The following MS4A15 variants were observed in gnomAD, a reference collection of about 807,000 sequenced individuals.
MS4A15 encodes the protein membrane-spanning 4-domains subfamily A member 15.
MS4A15 carries 22 observed loss-of-function variants against 20.6 expected under a neutral mutation model. That is an observed-to-expected ratio of 1.07 (90% CI 0.76 to 1.52). The LOEUF (loss-of-function observed/expected upper bound fraction) is 1.52, where lower values mean the gene tolerates loss of function less well. MS4A15 is among the 40% of genes most tolerant of loss of function. The pLI is 0.00. For synonymous variants in MS4A15, 129 were observed against 129.3 expected, an observed-to-expected ratio of 1.00 and a Z score of 0.02; for missense variants, 312 against 323.0, an observed-to-expected ratio of 0.97 and a Z score of 0.26.
At chr11:60,762,600 C>A (rs1406202871) in intron 1 of MS4A15, among the ~76,000 whole-genome samples, 1 of 152,204 alleles carries the variant, frequency 6.6e-6, no homozygotes, top group African/African-American at 2.4e-5. Flanking sequence ...GGCCAATATA[C>A]TTATTCTTTT....
intron 2 of MS4A15, among the ~76,000 whole-genome samples, chr11:60,766,964 C>A (rs879485848): frequency 2.6e-5 from 4 of 152,230 alleles, no homozygotes; most frequent in Non-Finnish European, 5.9e-5. Flanking sequence ...TGCTATTTGG[C>A]AGACCTTACT....
chr11:60,775,410 A>G (rs891082057), intron 6 of MS4A15, among the ~76,000 whole-genome samples, 195 bp from the exon 7 acceptor site: 3 of 152,186 alleles, frequency 2.0e-5, no homozygotes, highest in African/African-American at 7.2e-5. Context: ...TGTACTCCCA[A>G]TGCCTGGATC....
intron 2 of MS4A15, among the ~76,000 whole-genome samples, chr11:60,764,409 T>C (rs1853830189): frequency 6.6e-6 from 1 of 151,946 alleles, no homozygotes; most frequent in South Asian, 2.1e-4. Flanking sequence ...TGGAATGTAA[T>C]GAGCAAAGGA....
intron 3 of MS4A15, among the ~76,000 whole-genome samples, chr11:60,768,554 C>G (rs192172024): frequency 1.3e-5 from 2 of 152,262 alleles, no homozygotes; most frequent in East Asian, 1.9e-4. Flanking sequence ...AAGCACAGGC[C>G]TCAGGGTCAG....
At chr11:60,763,669 T>C (rs1853804351) in intron 1 of MS4A15, 37 bp from the exon 2 acceptor site, 1 of 1,559,474 alleles carries the variant, frequency 6.4e-7, no homozygotes, top group Non-Finnish European at 8.8e-7. Context: ...TTTATGCACA[T>C]GGGTGACAAT....
rs1052172208 is a variant in MS4A15, at chr11:60,776,674, T to A, written c.*959T>A. The A allele has an allele frequency of 2.0e-5, 3 of 152,234 alleles. No individual in the cohort carries two copies. The highest frequency in any genetic ancestry group is 7.2e-5 in the African/African-American group (3 of 41,456). 9.4% of individuals were successfully genotyped at this position (152,234 alleles called of 1,614,324 possible). A position where few individuals can be genotyped will look rare whatever the true frequency, so the allele number is the denominator to read the frequency against. On this transcript the variant is annotated 3_prime_UTR_variant, in exon 7 of 7. Coordinates refer to ENST00000405633, the MANE Select transcript of MS4A15 (RefSeq NM_001098835.2). ...CCTGGTGTTCACCAGGCCTGGTAGA[T>A]GAGATGGCTTGTCTCATCCACACCA...
intron 2 of MS4A15, among the ~76,000 whole-genome samples, chr11:60,765,937 G>A (rs1205902460): frequency 6.6e-6 from 1 of 151,970 alleles, no homozygotes; most frequent in East Asian, 1.9e-4. Flanking sequence ...ACAAAAAAGT[G>A]GAAAATACAA....
chr11:60,767,248 G>A (rs1853905140), intron 2 of MS4A15, among the ~76,000 whole-genome samples: 2 of 152,186 alleles, frequency 1.3e-5, no homozygotes, highest in Admixed American at 6.5e-5. Context: ...AAGCCAGGTA[G>A]GGACACAGCG....
At position 60,771,759 on chromosome 11, in the gene MS4A15, G is replaced by A. The variant is rs147106445; in HGVS notation, c.405+412G>A. On this transcript the variant is annotated intron_variant, in intron 4 of 6. Coordinates refer to ENST00000405633, the MANE Select transcript of MS4A15 (RefSeq NM_001098835.2). ...CTGGCTCCATCCAACGAAGGCAAAG[G>A]TAGGAGAAGGAAAGTGGAAAGAAAT... 2.4e-5 allele frequency: 29 copies of A among 1,217,396 alleles called. No homozygotes were observed. The East Asian group carries it at 1.4e-3, about 60-fold the overall frequency. 75.4% of individuals were successfully genotyped at this position (1,217,396 alleles called of 1,614,324 possible). A position where few individuals can be genotyped will look rare whatever the true frequency, so the allele number is the denominator to read the frequency against.
Position 60,763,698 on chromosome 11 carries a change from C to A in MS4A15, c.-28-8C>A. ...TGACAATCATCATTGCCATTATTAT[C>A]TCCCAAGCCTTTGTTTCCCAGGCTC... On this transcript the variant is annotated splice_region_variant and splice_polypyrimidine_tract_variant and intron_variant, in intron 1 of 6. Transcript: ENST00000405633. The A allele has an allele frequency of 6.2e-7, 1 of 1,604,068 alleles. No homozygotes were observed. The highest frequency in any genetic ancestry group is 8.5e-7 in the Non-Finnish European group (1 of 1,172,818).
chr11:60,764,555 G>T (rs974582873), intron 2 of MS4A15, among the ~76,000 whole-genome samples: 4 of 152,184 alleles, frequency 2.6e-5, no homozygotes, highest in African/African-American at 9.7e-5. Context: ...AAAATATTAG[G>T]TAGAGATAGA....
intron 2 of MS4A15, among the ~76,000 whole-genome samples, chr11:60,765,844 C>T (rs1197469686): frequency 6.7e-6 from 1 of 148,848 alleles, no homozygotes; most frequent in Non-Finnish European, 1.5e-5. Flanking sequence ...ATTTCGAAGC[C>T]TCAAAGCGGA....
chr11:60,757,171 A>G (rs1853618003), intron 1 of MS4A15, 113 bp downstream of exon 1: 2 of 152,316 alleles, frequency 1.3e-5, no homozygotes, highest in African/African-American at 2.4e-5. Flanking sequence ...TTTTTTAAAA[A>G]CAGTGCGACA....
intron 6 of MS4A15, among the ~76,000 whole-genome samples, chr11:60,774,235 G>A (rs1854126666): frequency 6.6e-6 from 1 of 151,802 alleles, no homozygotes; most frequent in African/African-American, 2.4e-5. Flanking sequence ...AACATAAAAA[G>A]ATCCTATCGC....
intron 3 of MS4A15, among the ~76,000 whole-genome samples, chr11:60,768,422 C>T (rs973568843): frequency 7.9e-5 from 12 of 152,310 alleles, no homozygotes; most frequent in East Asian, 7.7e-4. Flanking sequence ...CTCACCCGTG[C>T]CGGAAAACAG....
chr11:60,774,395 G>A (rs933652354), intron 6 of MS4A15, among the ~76,000 whole-genome samples: 2 of 152,184 alleles, frequency 1.3e-5, no homozygotes, highest in African/African-American at 4.8e-5. Context: ...TTCAGCCTGG[G>A]TGACAGAGGA....
chr11:60,766,898 A>G (rs1009781847), intron 2 of MS4A15, among the ~76,000 whole-genome samples: 3 of 152,192 alleles, frequency 2.0e-5, no homozygotes, highest in Non-Finnish European at 4.4e-5. Flanking sequence ...GGTCTTCAAC[A>G]TCTCTTTCCA....
intron 4 of MS4A15, 63 bp downstream of exon 4, chr11:60,771,410 T>A: frequency 1.2e-6 from 2 of 1,604,124 alleles, no homozygotes; most frequent in Non-Finnish European, 1.7e-6. Context: ...CACTCTACCC[T>A]GCCCCTCCCA....
chr11:60,764,149 T>A (rs1417025558), intron 2 of MS4A15, among the ~76,000 whole-genome samples, 191 bp downstream of exon 2: 1 of 152,068 alleles, frequency 6.6e-6, no homozygotes, highest in East Asian at 1.9e-4. Context: ...AGTAAACAAA[T>A]GACTCAGAAA....
Sources: gnomAD v4.1 joint callset for allele counts (sites outside exome capture counted in the v4.1 genomes callset) on GRCh38, gnomAD v4.1.1 for gene constraint, MANE v1.5 for transcripts, NCBI Gene and HGNC (gene_info 2026-07-23, HGNC 2026-07-21) for gene names.